Variants in TLE1 observed in about 807,000 individuals in gnomAD.
TLE1 encodes transducin-like enhancer protein 1.
In TLE1, 21 loss-of-function variants were observed where a neutral mutation model predicts 89.8. The ratio of observed to expected loss-of-function variants is 0.23; its 90% CI spans 0.17 to 0.34. The LOEUF is 0.34. Ranked by LOEUF, TLE1 falls within the 10% of genes least tolerant of loss-of-function variation. The probability of loss-of-function intolerance (pLI) is 1.00; values close to 1 mark genes in which losing one functional copy is unlikely to be tolerated. For synonymous variants in TLE1, 447 were observed against 407.6 expected (o/e 1.10, Z -1.16); for missense variants, 795 against 1,031.2 (o/e 0.77, Z 3.14).
intron 4 of TLE1, among the ~76,000 whole-genome samples, chr9:81,666,776 A>AAAAT (rs58357123): frequency 0.44 from 62,919 of 141,594 alleles, 14,918 homozygotes; most frequent in Non-Finnish European, 0.54. Context: ...CTCGTCTCAC[A>AAAAT]AAATAAATAA....
chr9:81,600,612 T>C (rs1830786595), intron 14 of TLE1, among the ~76,000 whole-genome samples: 1 of 141,424 alleles, frequency 7.1e-6, no homozygotes, highest in African/African-American at 2.7e-5. Flanking sequence ...CATGTTATTT[T>C]TAGCATTTAA....
At chr9:81,591,129 G>C in intron 15 of TLE1, 77 bp from the exon 16 acceptor site, 1 of 1,547,416 alleles carries the variant, frequency 6.5e-7, no homozygotes, top group Non-Finnish European at 8.7e-7. Context: ...TGGCTGTCTT[G>C]GTTTTTTGAG....
chr9:81,679,652 A>G (rs1299972871), intron 4 of TLE1, among the ~76,000 whole-genome samples: 4 of 152,156 alleles, frequency 2.6e-5, no homozygotes, highest in African/African-American at 9.7e-5. Flanking sequence ...AAGCCCACCG[A>G]CAGAAACAGC....
At chr9:81,635,585 A>T (rs1380963899) in intron 6 of TLE1, among the ~76,000 whole-genome samples, 1 of 152,220 alleles carries the variant, frequency 6.6e-6, no homozygotes, top group Admixed American at 6.5e-5. Context: ...ATTAAGGCTC[A>T]ATTTCTAAGG....
At chr9:81,663,008 C>T (rs1042181888) in intron 4 of TLE1, among the ~76,000 whole-genome samples, 1 of 151,946 alleles carries the variant, frequency 6.6e-6, no homozygotes, top group Non-Finnish European at 1.5e-5. Flanking sequence ...CCACCACGTG[C>T]AGCTAATTTT....
Position 81,689,469 on chromosome 9 carries a change from C to CGCTGTTTCTGCTGCT in TLE1, c.-1244_-1230dup, listed in dbSNP as rs1477508121. On this transcript the variant is annotated 5_prime_UTR_variant, in exon 1 of 20. Coordinates refer to ENST00000376499, the MANE Select transcript of TLE1 (RefSeq NM_005077.5). ...GGGACGCGGGGCACAGAGTACCCGC[C>CGCTGTTTCTGCTGCT]GCTGTTTCTGCTGCTGCTGCTTCTG... 6.6e-6 allele frequency among the ~76,000 whole-genome samples: 1 copy of CGCTGTTTCTGCTGCT among 152,102 alleles called. No homozygotes were observed. Among genetic ancestry groups the CGCTGTTTCTGCTGCT allele is most frequent in the Non-Finnish European group, 1.5e-5 (1 of 67,994 alleles).
At chr9:81,589,430 T>C (rs1829134029) in intron 16 of TLE1, among the ~76,000 whole-genome samples, 1 of 152,184 alleles carries the variant, frequency 6.6e-6, no homozygotes, top group South Asian at 2.1e-4. Context: ...CATGGCCCTA[T>C]TACATGCAGC....
intron 8 of TLE1, 81 bp from the exon 9 acceptor site, chr9:81,620,638 T>C (rs772944934): frequency 1.0e-4 from 161 of 1,549,490 alleles, no homozygotes; most frequent in Non-Finnish European, 1.3e-4. Flanking sequence ...GTGAGAACTA[T>C]TTTTGAAAGG....
chr9:81,625,619 A>G (rs998044881), intron 8 of TLE1, among the ~76,000 whole-genome samples: 2 of 152,190 alleles, frequency 1.3e-5, no homozygotes, highest in African/African-American at 2.4e-5. Context: ...AGAACTTACA[A>G]TGTAAGTAGG....
At chr9:81,669,855 T>C (rs1564061545) in intron 4 of TLE1, among the ~76,000 whole-genome samples, 1 of 152,176 alleles carries the variant, frequency 6.6e-6, no homozygotes, top group East Asian at 1.9e-4. Context: ...CTTTGCTGGT[T>C]TGGCCGAGCG....
At chr9:81,661,722 G>T (rs966408857) in intron 4 of TLE1, among the ~76,000 whole-genome samples, 4 of 152,028 alleles carry the variant, frequency 2.6e-5, no homozygotes, top group Non-Finnish European at 5.9e-5. Context: ...CTTCTGACTA[G>T]AAGTTTCTGA....
intron 6 of TLE1, among the ~76,000 whole-genome samples, chr9:81,646,072 T>C (rs1354918232): frequency 4.6e-5 from 7 of 152,190 alleles, no homozygotes; most frequent in African/African-American, 1.7e-4. Flanking sequence ...AGCACACGTT[T>C]ACCTATGAAA....
intron 14 of TLE1, among the ~76,000 whole-genome samples, chr9:81,596,818 T>C (rs927220100): frequency 6.6e-6 from 1 of 152,230 alleles, no homozygotes; most frequent in Admixed American, 6.5e-5. Context: ...GATCCTGCTC[T>C]GTTCCTTGAT....
intron 6 of TLE1, among the ~76,000 whole-genome samples, chr9:81,645,346 CAA>C (rs1248416847): frequency 2.1e-5 from 3 of 140,938 alleles, no homozygotes; most frequent in Non-Finnish European, 4.6e-5. Flanking sequence ...GCCTGGGCAA[CAA>C]GAGAGAAACT....
At position 81,610,311 on chromosome 9, in the gene TLE1, A is replaced by G; in HGVS notation, c.1255-15T>C. 1 of 1,607,612 alleles carries G rather than the reference A, an allele frequency of 6.2e-7. No homozygotes were observed. Among genetic ancestry groups the G allele is most frequent in the Non-Finnish European group, 8.5e-7 (1 of 1,174,706 alleles). On this transcript the variant is annotated splice_polypyrimidine_tract_variant and intron_variant, in intron 13 of 19. Transcript: ENST00000376499. ...TCAAACCCCACCTGGAAACAAAAATAAGGCATTGCAGACTCAGTTTATTGC... is the reference window on the plus strand; with the variant it reads ...TCAAACCCCACCTGGAAACAAAAATGAGGCATTGCAGACTCAGTTTATTGC...
chr9:81,621,099 G>A (rs941144425), intron 8 of TLE1, among the ~76,000 whole-genome samples: 1 of 152,146 alleles, frequency 6.6e-6, no homozygotes, highest in Non-Finnish European at 1.5e-5. Context: ...TTGAAAATAA[G>A]ACTTGGTGTT....
chr9:81,637,451 G>A (rs1026722294), intron 6 of TLE1, among the ~76,000 whole-genome samples: 5 of 152,146 alleles, frequency 3.3e-5, no homozygotes, highest in African/African-American at 1.2e-4. Flanking sequence ...CAGCTGTGAA[G>A]TAAACTTTTG....
Position 81,687,562 on chromosome 9 carries a change from A to G in TLE1, c.25-128T>C. 4 of 686,764 alleles carry G rather than the reference A, an allele frequency of 5.8e-6. No homozygotes were observed. In the South Asian group the frequency reaches 7.3e-5, roughly 13 times the overall value. The allele number at this position is 686,764 out of a possible 1,614,324, so 42.5% of individuals were successfully genotyped here. On this transcript the variant is annotated intron_variant, in intron 1 of 19. Coordinates refer to ENST00000376499, the MANE Select transcript of TLE1 (RefSeq NM_005077.5). ...TAGAAGTGGCTGAAAACGAGGCCCC[A>G]AACTCGAGTTTGCCCTTCACTATGG...
chr9:81,638,840 G>A (rs1222085017), intron 6 of TLE1, among the ~76,000 whole-genome samples: 2 of 152,120 alleles, frequency 1.3e-5, no homozygotes, highest in East Asian at 1.9e-4. Flanking sequence ...GGCCAGGCTG[G>A]TCTGCAACTC....
Sources: allele counts gnomAD v4.1 joint callset (sites outside exome capture counted in the v4.1 genomes callset), GRCh38; gene constraint gnomAD v4.1.1; transcripts MANE v1.5; gene names NCBI Gene and HGNC (gene_info 2026-07-23, HGNC 2026-07-21).